ZNF518A: variants seen among roughly 807,000 people sequenced by gnomAD.
ZNF518A encodes zinc finger protein 518.
ZNF518A carries 47 observed loss-of-function variants against 102.7 expected under a neutral mutation model. The observed-to-expected ratio is 0.46, with a 90% confidence interval of 0.36 to 0.58. The LOEUF is 0.58. Ranked by LOEUF, ZNF518A falls within the 20% of genes least tolerant of loss-of-function variation. The pLI is 0.00. For missense variants in ZNF518A, 1,793 were observed against 1,699.8 expected (o/e 1.05, Z -0.96); for synonymous variants, 652 against 594.6 (o/e 1.10, Z -1.40).
intron 1 of ZNF518A, chr10:96,189,225 A>G (rs762909224): frequency 6.0e-5 from 22 of 368,782 alleles, no homozygotes; most frequent in Non-Finnish European, 1.0e-4. Flanking sequence ...ATTCTTGGCA[A>G]TGGAACCTGG....
intron 1 of ZNF518A, among the ~76,000 whole-genome samples, chr10:96,193,615 C>A (rs1255347270): frequency 6.6e-6 from 1 of 152,182 alleles, no homozygotes; most frequent in Non-Finnish European, 1.5e-5. Flanking sequence ...TCCCCTCACT[C>A]TCCTTTTTTT....
At chr10:96,177,346 A>G (rs1374655904) in intron 1 of ZNF518A, among the ~76,000 whole-genome samples, 1 of 152,254 alleles carries the variant, frequency 6.6e-6, no homozygotes, top group Non-Finnish European at 1.5e-5. Context: ...AGAGAAATCC[A>G]AGATAATTCA....
chr10:96,137,486 T>C (rs781933756), intron 3 of ZNF518A, among the ~76,000 whole-genome samples: 37 of 152,320 alleles, frequency 2.4e-4, no homozygotes, highest in African/African-American at 8.9e-4. Context: ...CTGAAACTGT[T>C]CTAATCCATG....
At chr10:96,171,127 G>A (rs1294013045) in intron 1 of ZNF518A, among the ~76,000 whole-genome samples, 1 of 152,034 alleles carries the variant, frequency 6.6e-6, no homozygotes, top group Non-Finnish European at 1.5e-5. Context: ...AACAGTATGG[G>A]ACTTCCTCAA....
At chr10:96,173,070 A>G (rs1211016580) in intron 1 of ZNF518A, among the ~76,000 whole-genome samples, 6 of 152,176 alleles carry the variant, frequency 3.9e-5, no homozygotes, top group Admixed American at 2.6e-4. Context: ...TTTGCATTGT[A>G]TTAGGTATTA....
At chr10:96,141,692 T>G (rs1233520336) in intron 3 of ZNF518A, among the ~76,000 whole-genome samples, 1 of 152,170 alleles carries the variant, frequency 6.6e-6, no homozygotes, top group Non-Finnish European at 1.5e-5. Flanking sequence ...TTTAATTACT[T>G]TTGCATATTT....
chr10:96,189,378 C>T (rs2083294782), intron 1 of ZNF518A: 1 of 573,928 alleles, frequency 1.7e-6, no homozygotes, highest in African/African-American at 1.9e-5. Context: ...ACTTCCTCCA[C>T]TGCCAGGATC....
intron 3 of ZNF518A, among the ~76,000 whole-genome samples, chr10:96,153,826 A>G (rs1183476496): frequency 6.6e-6 from 1 of 152,198 alleles, no homozygotes; most frequent in Admixed American, 6.5e-5. Flanking sequence ...CTGAGTTTCC[A>G]TCTCCTAGGC....
chr10:96,130,827 G>A (rs997114048), intron 1 of ZNF518A, 75 bp downstream of exon 1: 5 of 152,210 alleles, frequency 3.3e-5, no homozygotes, highest in Non-Finnish European at 7.3e-5. Flanking sequence ...TCACATGTAG[G>A]GTTCATTTTG....
At chr10:96,190,190 G>C in intron 1 of ZNF518A, 1 of 789,480 alleles carries the variant, frequency 1.3e-6, no homozygotes, top group Non-Finnish European at 2.2e-6. Flanking sequence ...GCCTCAGGGG[G>C]CTCACGTCCA....
chr10:96,156,278 A>C lies in ZNF518A; in HGVS notation c.-45A>C. The C allele has an allele frequency of 2.0e-6, 3 of 1,521,196 alleles. No homozygotes were observed. The highest frequency in any genetic ancestry group is 2.6e-6 in the Non-Finnish European group (3 of 1,141,582). The allele number at this position is 1,521,196 out of a possible 1,614,324, so 94.2% of individuals were successfully genotyped here. On this transcript the variant is annotated 5_prime_UTR_variant, in exon 6 of 6. Coordinates refer to ENST00000316045, the MANE Select transcript of ZNF518A (RefSeq NM_001330736.2). ...TCCTGTTTAAATTACAGATAACTTC[A>C]AGAGTTTTCAGAAAAAAAGAAATTG...
At position 96,147,627 on chromosome 10, in the gene ZNF518A, C is replaced by T. The variant is rs587671937; in HGVS notation, c.-301-7699C>T. 5.3e-5 allele frequency among the ~76,000 whole-genome samples: 8 copies of T among 152,276 alleles called. No individual in the cohort carries two copies. The South Asian group carries it at 1.7e-3, about 32-fold the overall frequency. On this transcript the variant is annotated intron_variant, in intron 3 of 5. Transcript: ENST00000316045. The stretch of plus-strand genomic sequence containing the variant: ...CGGTTGAAAGCTTTATGCCAGAATT[C>T]GAAGGTATTGCCCCTTTGTCTTTGT...
chr10:96,185,662 C>G (rs1468579941), intron 1 of ZNF518A, among the ~76,000 whole-genome samples: 2 of 152,206 alleles, frequency 1.3e-5, no homozygotes, highest in Non-Finnish European at 2.9e-5. Flanking sequence ...AATATTGCTG[C>G]CTGATCCTTC....
In ZNF518A at chr10:96,138,958, T is replaced by TA. The variant is rs1302403594; in HGVS notation, c.-302+5310_-302+5311insA. Among the ~76,000 whole-genome samples, 18 of 151,586 alleles carry TA rather than the reference T, an allele frequency of 1.2e-4. No homozygotes were observed. In the South Asian group the frequency reaches 3.5e-3, roughly 30 times the overall value. ...GCGAATTTTTTTTTTTTTTTTTTTT[T>TA]TGAGGAAGGGATGGTTTATAGGGAA... is the stretch of plus-strand genomic sequence containing the variant. On this transcript the variant is annotated intron_variant, in intron 3 of 5. Coordinates refer to ENST00000316045, the MANE Select transcript of ZNF518A (RefSeq NM_001330736.2).
intron 1 of ZNF518A, chr10:96,189,498 G>T (rs1199733582): frequency 1.3e-5 from 8 of 637,024 alleles, no homozygotes; most frequent in Non-Finnish European, 1.8e-5. Context: ...TTGCATTTTT[G>T]ATTTAATGTC....
At chr10:96,153,743 G>C (rs1482556035) in intron 3 of ZNF518A, among the ~76,000 whole-genome samples, 1 of 152,092 alleles carries the variant, frequency 6.6e-6, no homozygotes, top group Non-Finnish European at 1.5e-5. Flanking sequence ...GTTGAAACTA[G>C]TGAAAACACA....
chr10:96,194,801 C>T (rs920992001), intron 1 of ZNF518A, among the ~76,000 whole-genome samples: 2 of 107,830 alleles, frequency 1.9e-5, no homozygotes, highest in South Asian at 3.2e-4. Flanking sequence ...GACGGAGTCT[C>T]GCTCTGTCGC....
At chr10:96,173,387 T>C (rs765513112) in intron 1 of ZNF518A, among the ~76,000 whole-genome samples, 41 of 152,166 alleles carry the variant, frequency 2.7e-4, no homozygotes, top group Non-Finnish European at 5.4e-4. Context: ...AGCTACACTT[T>C]AGACTCAAAG....
intron 3 of ZNF518A, among the ~76,000 whole-genome samples, chr10:96,149,285 A>G (rs2082319893): frequency 6.6e-6 from 1 of 152,122 alleles, no homozygotes. Flanking sequence ...GTCGCCTAGG[A>G]GCCAACTTAG....
Sources: gnomAD v4.1 joint callset for allele counts (sites outside exome capture counted in the v4.1 genomes callset) on GRCh38, gnomAD v4.1.1 for gene constraint, MANE v1.5 for transcripts, NCBI Gene and HGNC (gene_info 2026-07-23, HGNC 2026-07-21) for gene names.